Variants in LMX1A observed in about 807,000 individuals in gnomAD.
The protein encoded by LMX1A is LIM homeobox transcription factor 1-alpha.
In LMX1A, 15 loss-of-function variants were observed where a neutral mutation model predicts 49.1. The observed-to-expected ratio is 0.31, with a 90% CI of 0.20 to 0.47. The LOEUF is 0.47. Among genes scored for constraint, LMX1A ranks in the 20% least tolerant of loss-of-function variants. The pLI is 1.00. For missense variants in LMX1A, 372 were observed against 475.8 expected, an observed-to-expected ratio of 0.78 and a Z score of 2.03; for synonymous variants, 167 against 185.7, an observed-to-expected ratio of 0.90 and a Z score of 0.82.
In LMX1A at chr1:165,355,359, C is replaced by T; in HGVS notation, c.76+125G>A. On this transcript the variant is annotated intron_variant, in intron 2 of 8. Coordinates refer to ENST00000342310, the MANE Select transcript of LMX1A (RefSeq NM_177398.4). This position sits in a 1 kb window ranked among gnomAD's most constrained non-coding sequence, Gnocchi z 4.7. ...CTGACGGACAGATAGTGATGGGGCT[C>T]AATTTAGTGTATGAAGAGGGGCGCT... 1 of 850,354 alleles carries T rather than the reference C, an allele frequency of 1.2e-6. No homozygotes were observed. Among genetic ancestry groups the T allele is most frequent in the South Asian group, 1.6e-5 (1 of 63,886 alleles). The allele number at this position is 850,354 out of a possible 1,614,324, so 52.7% of individuals were successfully genotyped here. A position where few individuals can be genotyped will look rare whatever the true frequency, so the allele number is the denominator to read the frequency against.
At chr1:165,314,034 C>T (rs1188566562) in intron 3 of LMX1A, among the ~76,000 whole-genome samples, 2 of 152,230 alleles carry the variant, frequency 1.3e-5, no homozygotes, top group African/African-American at 2.4e-5. Context: ...GGCCAGCCCT[C>T]ACCCCACAGC....
At chr1:165,227,323 A>G (rs1652070437) in intron 4 of LMX1A, among the ~76,000 whole-genome samples, 1 of 152,068 alleles carries the variant, frequency 6.6e-6, no homozygotes, top group Non-Finnish European at 1.5e-5. Flanking sequence ...GGATCACTTG[A>G]GCTCAGGAGT....
chr1:165,317,340 A>C (rs1655257492), intron 3 of LMX1A, among the ~76,000 whole-genome samples: 1 of 152,226 alleles, frequency 6.6e-6, no homozygotes, highest in Admixed American at 6.5e-5. Flanking sequence ...TACAGGGAAA[A>C]TTATAAAGGA....
At chr1:165,339,896 T>G (rs1425200829) in intron 3 of LMX1A, among the ~76,000 whole-genome samples, 1 of 152,122 alleles carries the variant, frequency 6.6e-6, no homozygotes, top group Non-Finnish European at 1.5e-5. Flanking sequence ...ACCTTAGCCA[T>G]CAAGCAGGCT....
At chr1:165,260,729 C>T (rs1249093914) in intron 3 of LMX1A, among the ~76,000 whole-genome samples, 1 of 152,168 alleles carries the variant, frequency 6.6e-6, no homozygotes, top group Non-Finnish European at 1.5e-5. Flanking sequence ...GACTCCTGTT[C>T]TCAAGGGTCA....
chr1:165,343,364 T>A (rs930575485), intron 3 of LMX1A, among the ~76,000 whole-genome samples: 1 of 151,678 alleles, frequency 6.6e-6, no homozygotes. Context: ...ACACAGCTTC[T>A]AAAACTATGT....
Position 165,224,092 on chromosome 1 carries a change from T to C in LMX1A, c.497-10279A>G, listed in dbSNP as rs562854502. The stretch of plus-strand genomic sequence containing the variant: ...TGGTTTAACACCATCCCTCTTGGTG[T>C]TGTCATGATGATAGTGAGTCCTCAT... On this transcript the variant is annotated intron_variant, in intron 4 of 8. Coordinates refer to ENST00000342310, the MANE Select transcript of LMX1A (RefSeq NM_177398.4). Among the ~76,000 whole-genome samples the C allele has an allele frequency of 4.6e-5, 7 of 152,294 alleles. No homozygotes were observed. The South Asian group carries it at 1.5e-3, about 32-fold the overall frequency.
At chr1:165,340,152 G>C (rs1656029186) in intron 3 of LMX1A, among the ~76,000 whole-genome samples, 1 of 152,150 alleles carries the variant, frequency 6.6e-6, no homozygotes, top group Non-Finnish European at 1.5e-5. Flanking sequence ...CTGTTGCCCA[G>C]GTTGGAGTGC....
chr1:165,233,350 G>T (rs1397441165), intron 4 of LMX1A, among the ~76,000 whole-genome samples: 1 of 152,212 alleles, frequency 6.6e-6, no homozygotes, highest in East Asian at 1.9e-4. Context: ...AGTTATTCAG[G>T]AGTATGAGGC....
intron 3 of LMX1A, among the ~76,000 whole-genome samples, chr1:165,337,215 A>G (rs1655923496): frequency 6.6e-6 from 1 of 152,246 alleles, no homozygotes; most frequent in South Asian, 2.1e-4. Flanking sequence ...TCAAGCTAAA[A>G]CTGAGAGTTA....
chr1:165,304,782 C>A (rs971247838), intron 3 of LMX1A, among the ~76,000 whole-genome samples: 3 of 152,112 alleles, frequency 2.0e-5, no homozygotes, highest in African/African-American at 2.4e-5. Context: ...TCTTTTTTCT[C>A]CCTGGTGCCT....
intron 4 of LMX1A, among the ~76,000 whole-genome samples, chr1:165,227,198 G>A (rs934823361): frequency 4.6e-5 from 7 of 152,158 alleles, no homozygotes; most frequent in Admixed American, 3.9e-4. Context: ...CAGTGAAGGA[G>A]GGGTTAGCAG....
chr1:165,245,246 G>A (rs5012468), intron 4 of LMX1A, among the ~76,000 whole-genome samples: 100,390 of 151,760 alleles, frequency 0.66, 34,300 homozygotes, highest in African/African-American at 0.83. Context: ...TTTGCCCCCC[G>A]CTCTCCTTCC....
chr1:165,261,360 A>G (rs1416931500), intron 3 of LMX1A, among the ~76,000 whole-genome samples: 8 of 152,184 alleles, frequency 5.3e-5, no homozygotes, highest in African/African-American at 1.7e-4. Flanking sequence ...CATACCCCTT[A>G]CAATGGCTAC....
chr1:165,327,150 A>T (rs1339246793), intron 3 of LMX1A, among the ~76,000 whole-genome samples: 6 of 152,154 alleles, frequency 3.9e-5, no homozygotes, highest in Non-Finnish European at 8.8e-5. Flanking sequence ...ACGCCAGCTG[A>T]AACTGGGAGA....
intron 3 of LMX1A, among the ~76,000 whole-genome samples, chr1:165,297,388 G>T (rs767640055): frequency 6.6e-6 from 1 of 152,192 alleles, no homozygotes; most frequent in Non-Finnish European, 1.5e-5. Context: ...CCCAAGGAAG[G>T]AATATTGTAT....
At chr1:165,256,034 G>A (rs4657427) in intron 3 of LMX1A, among the ~76,000 whole-genome samples, 60,079 of 151,772 alleles carry the variant, frequency 0.4, 12,097 homozygotes, top group Admixed American at 0.45. Flanking sequence ...CAGCATGAGC[G>A]TGGGCATGAC....
intron 4 of LMX1A, among the ~76,000 whole-genome samples, chr1:165,243,617 T>TC (rs1348130062): frequency 6.6e-6 from 1 of 152,204 alleles, no homozygotes; most frequent in Non-Finnish European, 1.5e-5. Context: ...ATATCTTACA[T>TC]CTTAGGGAGC....
At chr1:165,225,365 G>GAA (rs1217558816) in intron 4 of LMX1A, among the ~76,000 whole-genome samples, 10 of 152,222 alleles carry the variant, frequency 6.6e-5, no homozygotes, top group Admixed American at 5.9e-4. Flanking sequence ...TGTATGCAGT[G>GAA]AACTCCACTA....
Sources: allele counts gnomAD v4.1 joint callset (sites outside exome capture counted in the v4.1 genomes callset), GRCh38; gene constraint gnomAD v4.1.1; non-coding constraint Gnocchi (gnomAD v3.1); transcripts MANE v1.5; gene names NCBI Gene and HGNC (gene_info 2026-07-23, HGNC 2026-07-21).